Variants in MSRA observed in about 807,000 individuals in gnomAD.
MSRA encodes methionine sulfoxide reductase A, also known as mitochondrial peptide methionine sulfoxide reductase.
Under a neutral mutation model 31.3 loss-of-function variants are expected in MSRA, and 54 were observed. The observed-to-expected ratio is 1.73, with a 90% CI of 1.39 to 2.17. MSRA has a LOEUF of 2.17. Among genes scored for constraint, MSRA ranks in the 30% most tolerant of loss-of-function variants. The pLI is 0.00. For synonymous variants in MSRA, 169 were observed against 116.5 expected, an observed-to-expected ratio of 1.45 and a Z score of -2.90; for missense variants, 507 against 300.9, an observed-to-expected ratio of 1.69 and a Z score of -5.07.
intron 5 of MSRA, among the ~76,000 whole-genome samples, chr8:10,408,905 T>C (rs1465135748): frequency 2.0e-5 from 3 of 152,248 alleles, no homozygotes; most frequent in African/African-American, 7.2e-5. Context: ...ATTGTCTTCT[T>C]TTTAATGGCT....
At chr8:10,414,309 G>A (rs200245238) in intron 5 of MSRA, among the ~76,000 whole-genome samples, 1 of 152,196 alleles carries the variant, frequency 6.6e-6, no homozygotes, top group Non-Finnish European at 1.5e-5. Flanking sequence ...GAGGCATCCT[G>A]CTGACTTAAC....
At chr8:10,247,245 G>T (rs1351422058) in intron 3 of MSRA, among the ~76,000 whole-genome samples, 1 of 152,150 alleles carries the variant, frequency 6.6e-6, no homozygotes, top group Non-Finnish European at 1.5e-5. Flanking sequence ...ATCTTTTACA[G>T]AGGGAGTGTA....
chr8:10,331,189 T>C (rs1315214612), intron 5 of MSRA, among the ~76,000 whole-genome samples: 3 of 152,216 alleles, frequency 2.0e-5, no homozygotes, highest in Admixed American at 6.5e-5. Flanking sequence ...AAGCCTGTTA[T>C]TGAAGCCACG....
At chr8:10,393,058 T>C (rs926794689) in intron 5 of MSRA, among the ~76,000 whole-genome samples, 5 of 69,296 alleles carry the variant, frequency 7.2e-5, no homozygotes, top group African/African-American at 3.1e-4. Flanking sequence ...CGAGACTCCG[T>C]CTCAAAAAAA....
intron 2 of MSRA, among the ~76,000 whole-genome samples, chr8:10,229,452 G>T (rs1464670590): frequency 2.0e-5 from 3 of 152,140 alleles, no homozygotes; most frequent in Non-Finnish European, 4.4e-5. Flanking sequence ...TCTGAGGACT[G>T]GGGGCCGGCT....
chr8:10,228,025 C>T (rs538808384), intron 2 of MSRA, among the ~76,000 whole-genome samples: 2 of 152,314 alleles, frequency 1.3e-5, no homozygotes, highest in South Asian at 2.1e-4. Context: ...CCCTCCCCTG[C>T]TCTCTTCTTT....
intron 1 of MSRA, among the ~76,000 whole-genome samples, chr8:10,074,995 T>C (rs938951230): frequency 5.3e-5 from 8 of 152,162 alleles, no homozygotes; most frequent in African/African-American, 1.7e-4. Context: ...ATGCTTCTGT[T>C]TACCCATTAC....
intron 1 of MSRA, among the ~76,000 whole-genome samples, chr8:10,145,112 T>C (rs535481280): frequency 1.3e-5 from 2 of 152,298 alleles, no homozygotes; most frequent in African/African-American, 4.8e-5. Flanking sequence ...GAGATTGCTA[T>C]TAGCATACTG....
Position 10,368,497 on chromosome 8 carries a change from A to G in MSRA, c.543+48508A>G, listed in dbSNP as rs568342121. Among the ~76,000 whole-genome samples the G allele has an allele frequency of 5.4e-3, 819 of 152,330 alleles. 5 individuals carry two copies. Among genetic ancestry groups the G allele is most frequent in the Middle Eastern group, 0.014 (4 of 294 alleles). ...AGCCCTGGGGCCGAGGTTGCTGGCC[A>G]TAGGCAGCAGAGGGGCCGGGAGGCG... On this transcript the variant is annotated intron_variant, in intron 5 of 5. Transcript: ENST00000317173.
chr8:10,192,363 G>GTAGAGCTC (rs908218758), intron 1 of MSRA, among the ~76,000 whole-genome samples: 1 of 152,216 alleles, frequency 6.6e-6, no homozygotes, highest in Non-Finnish European at 1.5e-5. Flanking sequence ...CCAGTGAGCG[G>GTAGAGCTC]TAGAGTGGAT....
At chr8:10,402,642 C>T (rs965015797) in intron 5 of MSRA, among the ~76,000 whole-genome samples, 6 of 152,120 alleles carry the variant, frequency 3.9e-5, no homozygotes, top group African/African-American at 1.4e-4. Flanking sequence ...AAGGAGTATC[C>T]ACAATGGAAA....
At chr8:10,426,158 A>C (rs1049760895) in intron 5 of MSRA, among the ~76,000 whole-genome samples, 9 of 152,134 alleles carry the variant, frequency 5.9e-5, no homozygotes, top group African/African-American at 2.2e-4. Flanking sequence ...GCTAACTCTA[A>C]ATCTACCCCT....
rs1178956571 is a variant in MSRA at position 10,428,164 on chromosome 8, G to A, written c.560G>A (p.Gly187Asp). Residue 187 changes from glycine to aspartate, a missense_variant, in exon 6 of 6, where the codon GGC becomes GAC. Transcript: ENST00000317173. ...ENYQKVLSEH[G>D]FGPITTDIRE... is the part of the protein sequence containing the mutation. Reference sequence around the variant, plus strand: ...TCCCCACAGGTTCTTTCAGAGCACGGCTTCGGCCCCATCACTACCGACATC... The same window carrying A: ...TCCCCACAGGTTCTTTCAGAGCACGACTTCGGCCCCATCACTACCGACATC... 1 of 1,613,688 alleles carries A rather than the reference G, an allele frequency of 6.2e-7. No homozygotes were observed. The highest frequency in any genetic ancestry group is 1.3e-5 in the African/African-American group (1 of 74,876).
At chr8:10,283,160 A>ACACACTCTCTCTCTCT in intron 3 of MSRA, among the ~76,000 whole-genome samples, 1 of 140,236 alleles carries the variant, frequency 7.1e-6, no homozygotes, top group African/African-American at 2.7e-5. Context: ...ACACACACAC[A>ACACACTCTCTCTCTCT]CTCTCACCCT....
chr8:10,417,132 G>C (rs1033651426), intron 5 of MSRA, among the ~76,000 whole-genome samples: 1 of 152,132 alleles, frequency 6.6e-6, no homozygotes, highest in African/African-American at 2.4e-5. Flanking sequence ...TCTCTTAATG[G>C]ACCAAGTTAG....
At chr8:10,287,148 A>T (rs1368776843) in intron 3 of MSRA, among the ~76,000 whole-genome samples, 1 of 152,186 alleles carries the variant, frequency 6.6e-6, no homozygotes, top group East Asian at 1.9e-4. Context: ...AAGATTCCCA[A>T]TATCAATCAA....
chr8:10,256,877 C>T (rs1397846598), intron 3 of MSRA, among the ~76,000 whole-genome samples: 1 of 152,186 alleles, frequency 6.6e-6, no homozygotes, highest in East Asian at 1.9e-4. Context: ...ATCTCCTGCC[C>T]TCCTTCTCCT....
At chr8:10,314,514 G>C (rs1021448638) in intron 4 of MSRA, among the ~76,000 whole-genome samples, 3 of 152,188 alleles carry the variant, frequency 2.0e-5, no homozygotes, top group African/African-American at 7.2e-5. Context: ...TAATGAATTG[G>C]CAAGCATTTA....
intron 5 of MSRA, among the ~76,000 whole-genome samples, chr8:10,405,401 A>T (rs1001315014): frequency 6.6e-6 from 1 of 152,198 alleles, no homozygotes; most frequent in African/African-American, 2.4e-5. Context: ...CTGGCGCGAG[A>T]TGGTCGCCAA....
Sources: gnomAD v4.1 joint callset for allele counts (sites outside exome capture counted in the v4.1 genomes callset) on GRCh38, gnomAD v4.1.1 for gene constraint, MANE v1.5 for transcripts, NCBI Gene and HGNC (gene_info 2026-07-23, HGNC 2026-07-21) for gene names.